The following MFSD12 variants were observed in gnomAD, a reference collection of about 807,000 sequenced individuals.
The protein encoded by MFSD12 is major facilitator superfamily domain containing 12, also known as major facilitator superfamily domain-containing protein 12.
Under a neutral mutation model 51.2 loss-of-function variants are expected in MFSD12, and 67 were observed. That is an observed-to-expected ratio of 1.31 (90% confidence interval 1.08 to 1.60). The LOEUF (loss-of-function observed/expected upper bound fraction) is 1.60, where lower values mean the gene tolerates loss of function less well. MFSD12 is among the 40% of genes most tolerant of loss of function. MFSD12 has a pLI of 0.00. For synonymous variants in MFSD12, 441 were observed against 316.7 expected, an observed-to-expected ratio of 1.39 and a Z score of -4.17; for missense variants, 921 against 673.0, an observed-to-expected ratio of 1.37 and a Z score of -4.08.
In MFSD12 at chr19:3,557,307, C is replaced by A. The variant is rs199709363; in HGVS notation, c.97G>T (p.Asp33Tyr). Residue 33 changes from aspartate to tyrosine, a missense_variant, in exon 1 of 10, where the codon GAC (aspartate) becomes TAC (tyrosine). Physicochemically the swap from Asp to Tyr is radical, Grantham distance 160 (BLOSUM62 -3). Transcript: ENST00000355415. ...GTGAACCACATGGACGCGCACAGGT[C>A]GTTGAGGAAGTGGCCCACGGCGTAG... ...LSYAVGHFLN[D>Y]LCASMWFTYL... 8 of 1,590,348 alleles carry A rather than the reference C, an allele frequency of 5.0e-6. No individual in the cohort carries two copies. The highest frequency in any genetic ancestry group is 1.4e-5 in the African/African-American group (1 of 72,600).
chr19:3,539,106 C>G (rs2122060932), intron 4 of MFSD12: 2 of 1,030,312 alleles, frequency 1.9e-6, no homozygotes, highest in Middle Eastern at 2.5e-4. Context: ...TGCCGAGACA[C>G]TGGGTGGCCT....
intron 6 of MFSD12, among the ~76,000 whole-genome samples, chr19:3,546,796 G>C (rs76888711): frequency 0.02 from 2,980 of 152,298 alleles, 87 homozygotes; most frequent in African/African-American, 0.066. Context: ...TCGAGACACA[G>C]AGAAGCCAGG....
intron 2 of MFSD12, 56 bp downstream of exon 2, chr19:3,550,928 T>A (rs75555084): frequency 3.4e-6 from 5 of 1,478,400 alleles, no homozygotes; most frequent in Non-Finnish European, 4.7e-6. Context: ...TGCCACTGAC[T>A]GATACACCGA....
At position 3,547,959 on chromosome 19, in the gene MFSD12, C is replaced by A. The variant is rs758422582; in HGVS notation, c.726G>T (p.Arg242Ser). The stretch of plus-strand genomic sequence containing the variant: ...CTGGCTCCTCCGCATGCGGCCGGCG[C>A]CTCTCCCGGGTGCCCAGGTGGAATA... ...SLLFHLGTRE[R>S]RRPHAEEPGE... Residue 242 changes from arginine (R) to serine (S), a missense_variant, in exon 4 of 10, where the codon AGG becomes AGT. Arg to Ser is a moderately radical substitution (Grantham distance 110). Coordinates refer to ENST00000355415, the MANE Select transcript of MFSD12 (RefSeq NM_174983.5). The A allele has an allele frequency of 3.8e-6, 6 of 1,595,546 alleles. No individual in the cohort carries two copies. Among genetic ancestry groups the A allele is most frequent in the Non-Finnish European group, 5.1e-6 (6 of 1,177,914 alleles).
intron 2 of MFSD12, among the ~76,000 whole-genome samples, chr19:3,548,688 CG>C (rs66553069): frequency 1.2e-4 from 18 of 152,066 alleles, no homozygotes; most frequent in African/African-American, 3.6e-4. Flanking sequence ...CAGAGTCCCC[CG>C]GGGGGCCTCA....
Position 3,551,309 on chromosome 19 carries a change from G to T in MFSD12, c.299-115C>A. ...TGAGGCACAGATGGAGACGCCCCCCGCATGCACACAGTCACGCAGGAGCGA... is the reference window on the plus strand; with the variant it reads ...TGAGGCACAGATGGAGACGCCCCCCTCATGCACACAGTCACGCAGGAGCGA... On this transcript the variant is annotated intron_variant, in intron 1 of 9. Transcript: ENST00000355415. The surrounding 1 kb of genome is among the most constrained non-coding windows in gnomAD (Gnocchi z 4.6). 1.3e-5 allele frequency: 10 copies of T among 795,880 alleles called. No homozygotes were observed. The South Asian group carries it at 1.5e-4, about 12-fold the overall frequency. The allele number at this position is 795,880 out of a possible 1,614,324, so 49.3% of individuals were successfully genotyped here. A position where few individuals can be genotyped will look rare whatever the true frequency, so the allele number is the denominator to read the frequency against.
intron 4 of MFSD12, 145 bp downstream of exon 4, chr19:3,547,703 G>T: frequency 8.5e-7 from 1 of 1,178,654 alleles, no homozygotes; most frequent in Non-Finnish European, 1.2e-6. Flanking sequence ...GAGGAGAGCA[G>T]CACTTGATGA....
rs1385971546 is a variant in MFSD12, at chr19:3,551,279, G to C, written c.299-85C>G. The stretch of plus-strand genomic sequence containing the variant: ...TGAGGACATGGAGGGAGGAGAGAGG[G>C]AAACTGAGGCACAGATGGAGACGCC... On this transcript the variant is annotated intron_variant, in intron 1 of 9. Coordinates refer to ENST00000355415, the MANE Select transcript of MFSD12 (RefSeq NM_174983.5). The surrounding 1 kb of genome is among the most constrained non-coding windows in gnomAD (Gnocchi z 4.6). The C allele has an allele frequency of 2.7e-6, 3 of 1,116,974 alleles. No individual in the cohort carries two copies. The highest frequency in any genetic ancestry group is 3.8e-6 in the Non-Finnish European group (3 of 793,736). The allele number at this position is 1,116,974 out of a possible 1,614,324, so 69.2% of individuals were successfully genotyped here.
chr19:3,541,271 G>C (rs1243282014), downstream of MFSD12, among the ~76,000 whole-genome samples: 1 of 151,858 alleles, frequency 6.6e-6, no homozygotes, highest in Non-Finnish European at 1.5e-5. Flanking sequence ...AGGAGGTCAA[G>C]GCTGCAGTGA....
downstream of MFSD12, chr19:3,543,326 G>A: frequency 6.5e-7 from 1 of 1,549,356 alleles, no homozygotes; most frequent in African/African-American, 1.4e-5. Flanking sequence ...ACGGGACGCA[G>A]CCGGCCAGCT....
chr19:3,542,271 T>C, downstream of MFSD12: 2 of 985,410 alleles, frequency 2.0e-6, no homozygotes, highest in South Asian at 9.4e-5. Context: ...GCTACTCCCA[T>C]GTTCTGTGGG....
chr19:3,557,141 G>A lies in MFSD12; in HGVS notation c.263C>T (p.Ala88Val). The change falls in exon 1 of 10, where the codon GCC becomes GTC. Residue 88 changes from alanine to valine, a missense_variant. Physicochemically the swap from Ala to Val is moderately conservative, Grantham distance 64. Coordinates refer to ENST00000355415, the MANE Select transcript of MFSD12 (RefSeq NM_174983.5). ...CCAGGCCTTGCGCGGGCCGTAGCGG[G>A]CGCAGCAGCTGGCGGCGCGGTCGGC... Reference protein sequence around the residue: ...YEADRAASCCARYGPRKAWHL... With the variant: ...YEADRAASCCVRYGPRKAWHL... The A allele has an allele frequency of 6.6e-7, 1 of 1,511,506 alleles. No homozygotes were observed. Among genetic ancestry groups the A allele is most frequent in the South Asian group, 1.3e-5 (1 of 79,610 alleles). 93.6% of individuals were successfully genotyped at this position (1,511,506 alleles called of 1,614,324 possible).
At chr19:3,554,121 A>G (rs1038414080) in intron 1 of MFSD12, among the ~76,000 whole-genome samples, 30 of 151,830 alleles carry the variant, frequency 2.0e-4, no homozygotes, top group Admixed American at 3.9e-4. Context: ...TTAAAAAAAG[A>G]AGAGAAAGAA....
At chr19:3,547,190 G>T in intron 6 of MFSD12, 82 bp downstream of exon 6, 1 of 1,273,548 alleles carries the variant, frequency 7.9e-7, no homozygotes, top group Non-Finnish European at 1.1e-6. Context: ...AGCATCCGAG[G>T]ATGGAACCCG....
chr19:3,544,280 G>T lies in MFSD12; in HGVS notation c.*430C>A. ...TGCTGCCCACCACGGTGGGGTCCAG[G>T]CCCAGCCCACCACCCCGTGGCTGTC... On this transcript the variant is annotated 3_prime_UTR_variant, in exon 10 of 10. Coordinates refer to ENST00000355415, the MANE Select transcript of MFSD12 (RefSeq NM_174983.5). 1 of 1,297,758 alleles carries T rather than the reference G, an allele frequency of 7.7e-7. No homozygotes were observed. The highest frequency in any genetic ancestry group is 9.8e-7 in the Non-Finnish European group (1 of 1,024,088). The allele number at this position is 1,297,758 out of a possible 1,614,324, so 80.4% of individuals were successfully genotyped here. A position where few individuals can be genotyped will look rare whatever the true frequency, so the allele number is the denominator to read the frequency against.
chr19:3,545,543 C>A (rs1195831622), intron 8 of MFSD12, among the ~76,000 whole-genome samples: 1 of 152,252 alleles, frequency 6.6e-6, no homozygotes, highest in Admixed American at 6.5e-5. Flanking sequence ...GTGTCAGGGC[C>A]ACGTCACCTC....
chr19:3,543,871 C>T, downstream of MFSD12: 4 of 1,549,584 alleles, frequency 2.6e-6, no homozygotes, highest in Non-Finnish European at 3.5e-6. Context: ...CTGTGGAGGG[C>T]ATCAGACTAC....
At position 3,546,348 on chromosome 19, in the gene MFSD12, G is replaced by A. The variant is rs538477642; in HGVS notation, c.1101C>T (p.Ala367=). 1.3e-4 allele frequency: 204 copies of A among 1,607,894 alleles called. 1 individual carries two copies. Among genetic ancestry groups the A allele is most frequent in the Middle Eastern group, 6.6e-4 (4 of 6,042 alleles). ...WVALAEGLGV[A]VYAAAVLLGA... ...CCAGCAGCACAGCCGCTGCGTACACGGCCACACCCAGTCCCTCCGCCAGCG... is the reference window on the plus strand; with the variant it reads ...CCAGCAGCACAGCCGCTGCGTACACAGCCACACCCAGTCCCTCCGCCAGCG... Residue 367 remains alanine, a synonymous_variant, in exon 7 of 10, where the codon GCC becomes GCT. Coordinates refer to ENST00000355415, the MANE Select transcript of MFSD12 (RefSeq NM_174983.5).
downstream of MFSD12, among the ~76,000 whole-genome samples, chr19:3,541,417 G>A (rs1032321067): frequency 1.4e-4 from 21 of 151,430 alleles, no homozygotes; most frequent in Non-Finnish European, 2.4e-4. Context: ...CTGCCTCCTG[G>A]GTTCTAGCGA....
Sources: gnomAD v4.1 joint callset for allele counts (sites outside exome capture counted in the v4.1 genomes callset) on GRCh38, gnomAD v4.1.1 for gene constraint, Gnocchi (gnomAD v3.1) non-coding constraint, MANE v1.5 for transcripts, NCBI Gene and HGNC (gene_info 2026-07-23, HGNC 2026-07-21) for gene names.